LIMS1: variants seen among roughly 807,000 people sequenced by gnomAD.
The protein encoded by LIMS1 is LIM and senescent cell antigen-like-containing domain protein 1.
In LIMS1, 18 loss-of-function variants were observed where a neutral mutation model predicts 44.1. That is an observed-to-expected ratio of 0.41 (90% CI 0.28 to 0.61). The LOEUF (loss-of-function observed/expected upper bound fraction) is 0.61, where lower values mean the gene tolerates loss of function less well. LIMS1 is among the 20% of genes least tolerant of loss of function. The pLI is 0.32. For synonymous variants in LIMS1, 93 were observed against 149.1 expected (o/e 0.62, Z 2.74); for missense variants, 201 against 422.0 (o/e 0.48, Z 4.59).
At chr2:108,621,204 CTG>C (rs1688216778) in intron 1 of LIMS1, 1 of 1,389,512 alleles carries the variant, frequency 7.2e-7, no homozygotes, top group Non-Finnish European at 9.5e-7. Flanking sequence ...AAACAGGAAG[CTG>C]TGCTTCAGCA....
At chr2:108,681,405 A>G in intron 9 of LIMS1, 11 of 978,398 alleles carry the variant, frequency 1.1e-5, no homozygotes, top group Non-Finnish European at 1.3e-5. Context: ...TTTTTTAAAC[A>G]CCATATAGTA....
intron 1 of LIMS1, among the ~76,000 whole-genome samples, chr2:108,642,580 C>T (rs922488589): frequency 2.0e-5 from 3 of 151,842 alleles, no homozygotes; most frequent in Admixed American, 1.3e-4. Context: ...AGGATGGTCT[C>T]GATCTCCTGA....
intron 2 of LIMS1, chr2:108,662,642 C>T: frequency 2.1e-6 from 2 of 956,000 alleles, no homozygotes; most frequent in Non-Finnish European, 2.6e-6. Context: ...GAGAAAAAAA[C>T]TATCCAAGAC....
intron 1 of LIMS1, among the ~76,000 whole-genome samples, chr2:108,598,725 T>A (rs1288755418): frequency 1.1e-4 from 16 of 152,246 alleles, no homozygotes. Context: ...CTCCTGTCAT[T>A]GTAAACGTAG....
chr2:108,675,950 G>A (rs1558842587), exon 6 of LIMS1: 6 of 1,614,010 alleles, frequency 3.7e-6, no homozygotes, highest in Non-Finnish European at 4.2e-6. Flanking sequence ...ATAAAATGGG[G>A]GTCCCCATCT....
chr2:108,559,974 G>C (rs1485853834), intron 1 of LIMS1, among the ~76,000 whole-genome samples: 1 of 152,096 alleles, frequency 6.6e-6, no homozygotes, highest in Non-Finnish European at 1.5e-5. Flanking sequence ...TGGAGTCCTG[G>C]GTTCTCCCCA....
intron 1 of LIMS1, among the ~76,000 whole-genome samples, chr2:108,654,592 C>T (rs1408906167): frequency 6.6e-6 from 1 of 152,048 alleles, no homozygotes; most frequent in Non-Finnish European, 1.5e-5. Context: ...TCAGAGTGTG[C>T]CAGCAGCCTC....
intron 9 of LIMS1, among the ~76,000 whole-genome samples, chr2:108,683,159 A>G (rs1693116442): frequency 6.6e-6 from 1 of 152,198 alleles, no homozygotes; most frequent in African/African-American, 2.4e-5. Flanking sequence ...ACTTTCTTCC[A>G]ACCTTTCTGT....
chr2:108,681,084 A>C, intron 9 of LIMS1: 2 of 1,272,716 alleles, frequency 1.6e-6, no homozygotes, highest in East Asian at 6.1e-5. Context: ...GGATAAGGAC[A>C]AGCAGAAAAA....
At chr2:108,603,271 T>A (rs1232707689) in intron 1 of LIMS1, among the ~76,000 whole-genome samples, 1 of 152,176 alleles carries the variant, frequency 6.6e-6, no homozygotes, top group Admixed American at 6.5e-5. Flanking sequence ...CCTGGCCTTT[T>A]CTTTACTGGG....
chr2:108,686,318 CA>C (rs1045690067), exon 10 of LIMS1: 2 of 150,872 alleles, frequency 1.3e-5, no homozygotes, highest in African/African-American at 2.4e-5. Context: ...GACTCTGTCT[CA>C]AAAAAAATAA....
rs371363835 is a variant in LIMS1 at position 108,543,304 on chromosome 2, G to A, written c.32+8710G>A. Among the ~76,000 whole-genome samples the A allele has an allele frequency of 2.1e-3, 316 of 152,262 alleles. 3 individuals carry two copies. The highest frequency in any genetic ancestry group is 7.3e-3 in the African/African-American group (302 of 41,558). On this transcript the variant is annotated intron_variant, in intron 1 of 9. Transcript: ENST00000544547. The stretch of plus-strand genomic sequence containing the variant: ...AAATTAGCTGGGCATGGTGGCACGT[G>A]CCCGTAGTCCTGTGGCAGGCTAGGT...
At chr2:108,610,928 T>C (rs1341558867) in intron 1 of LIMS1, among the ~76,000 whole-genome samples, 2 of 152,134 alleles carry the variant, frequency 1.3e-5, no homozygotes, top group Non-Finnish European at 2.9e-5. Flanking sequence ...CCTCACATAG[T>C]CCTCACCTAG....
At chr2:108,628,717 T>C (rs1052378925) in intron 1 of LIMS1, among the ~76,000 whole-genome samples, 3 of 152,186 alleles carry the variant, frequency 2.0e-5, no homozygotes, top group Admixed American at 1.3e-4. Flanking sequence ...CCACCCTCCT[T>C]GGCTCCCAAA....
chr2:108,574,395 A>G (rs1039529357), intron 1 of LIMS1, among the ~76,000 whole-genome samples: 1 of 152,312 alleles, frequency 6.6e-6, no homozygotes, highest in South Asian at 2.1e-4. Flanking sequence ...TGTATTTGAC[A>G]GCAGCATTTG....
chr2:108,534,781 G>A (rs1684066442), intron 1 of LIMS1, among the ~76,000 whole-genome samples, 187 bp downstream of exon 1: 1 of 151,868 alleles, frequency 6.6e-6, no homozygotes, highest in Non-Finnish European at 1.5e-5. Flanking sequence ...CCGCGGAGGA[G>A]ACGGCTGCTG....
intron 1 of LIMS1, among the ~76,000 whole-genome samples, chr2:108,552,521 A>G (rs189362554): frequency 1.4e-5 from 2 of 146,542 alleles, no homozygotes; most frequent in Admixed American, 1.4e-4. Context: ...ATATATAAAT[A>G]TATCTTATAT....
intron 9 of LIMS1, chr2:108,681,522 T>C: frequency 1.0e-6 from 1 of 977,784 alleles, no homozygotes; most frequent in Non-Finnish European, 1.2e-6. Context: ...ACTGTAGCTT[T>C]TAAAATCCTG....
At chr2:108,535,809 G>A (rs1309393357) in intron 1 of LIMS1, among the ~76,000 whole-genome samples, 1 of 152,206 alleles carries the variant, frequency 6.6e-6, no homozygotes, top group Non-Finnish European at 1.5e-5. Context: ...TTTCAAGGAA[G>A]TGTCCGGCAA....
Sources: allele counts gnomAD v4.1 joint callset (sites outside exome capture counted in the v4.1 genomes callset), GRCh38; gene constraint gnomAD v4.1.1; transcripts MANE v1.5; gene names NCBI Gene and HGNC (gene_info 2026-07-23, HGNC 2026-07-21).